The following SPTA1 variants were observed in gnomAD, a reference collection of about 807,000 sequenced individuals.
SPTA1 encodes spectrin alpha, erythrocytic 1, also known as spectrin alpha chain, erythrocytic 1.
SPTA1 carries 177 observed loss-of-function variants against 324.7 expected under a neutral mutation model. The observed-to-expected ratio is 0.55, with a 90% CI of 0.48 to 0.62. The LOEUF (loss-of-function observed/expected upper bound fraction) is 0.62. Ranked by LOEUF, SPTA1 falls within the 20% of genes least tolerant of loss-of-function variation. SPTA1 has a pLI of 0.00. For synonymous variants in SPTA1, 1,195 were observed against 1,041.3 expected, an observed-to-expected ratio of 1.15 and a Z score of -2.84; for missense variants, 3,162 against 2,883.6, an observed-to-expected ratio of 1.10 and a Z score of -2.21.
At chr1:158,657,414 C>T in intron 19 of SPTA1, 63 bp downstream of exon 19, 1 of 1,530,768 alleles carries the variant, frequency 6.5e-7, no homozygotes, top group Non-Finnish European at 9.0e-7. Flanking sequence ...TAAGCAAACC[C>T]TAAATTGATA....
intron 17 of SPTA1, 32 bp downstream of exon 17, chr1:158,662,670 C>CTA (rs1653312104): frequency 6.2e-7 from 1 of 1,613,032 alleles, no homozygotes; most frequent in African/African-American, 1.3e-5. Flanking sequence ...TGGTCCTTTC[C>CTA]TAGTGGCTCA....
rs1650316862 is a variant in SPTA1, at chr1:158,626,964, A to G, written c.5708T>C (p.Ile1903Thr). 6.2e-7 allele frequency: 1 copy of G among 1,613,778 alleles called. No individual in the cohort carries two copies. Among genetic ancestry groups the G allele is most frequent in the Admixed American group, 1.7e-5 (1 of 59,984 alleles). ...ESQNKEISSK[I>T]EALNEKTPSL... is the part of the protein sequence containing the mutation. ...AGGGGTCTTTTCATTCAGAGCCTCT[A>G]TCTTGGAAGAAATCTCTTTGTTCTG... The change falls in exon 41 of 52, where the codon ATA becomes ACA. Residue 1903 changes from isoleucine to threonine, a missense_variant. Ile to Thr is a moderately conservative substitution (Grantham distance 89). Transcript: ENST00000643759.
chr1:158,661,264 A>G (rs1247234519), intron 18 of SPTA1, 23 bp downstream of exon 18: 2 of 1,613,670 alleles, frequency 1.2e-6, no homozygotes, highest in African/African-American at 1.3e-5. Context: ...TGTTTTGTCC[A>G]ACTGAATCTC....
intron 50 of SPTA1, 85 bp from the exon 51 acceptor site, chr1:158,613,046 C>G: frequency 3.4e-6 from 5 of 1,456,724 alleles, no homozygotes; most frequent in Non-Finnish European, 3.8e-6. Flanking sequence ...GTCTCAGAAA[C>G]AGAGGAAAGC....
intron 39 of SPTA1, among the ~76,000 whole-genome samples, chr1:158,633,642 C>G (rs1412745673): frequency 8.7e-6 from 1 of 114,858 alleles, no homozygotes; most frequent in Admixed American, 1.2e-4. Context: ...GGCTGGGAGA[C>G]AGAGTGAGAC....
chr1:158,654,459 C>T (rs1192868152), intron 21 of SPTA1, 152 bp downstream of exon 21: 2 of 1,097,902 alleles, frequency 1.8e-6, no homozygotes, highest in South Asian at 1.7e-5. Flanking sequence ...AAAATATCTA[C>T]AGGAAAAATA....
Position 158,674,582 on chromosome 1 carries a change from C to A in SPTA1, c.1206G>T (p.Val402=), listed in dbSNP as rs1337133357. 1 of 1,614,154 alleles carries A rather than the reference C, an allele frequency of 6.2e-7. No homozygotes were observed. The highest frequency in any genetic ancestry group is 1.1e-5 in the South Asian group (1 of 91,090). The change falls in exon 9 of 52, where the codon GTG becomes GTT. Residue 402 remains valine (V), a synonymous_variant. Coordinates refer to ENST00000643759, the MANE Select transcript of SPTA1 (RefSeq NM_003126.4). The part of the protein sequence containing the change: ...AINADELPTD[V]AGGEVLLDRH... ...TGTCCAGCAGAACTTCTCCACCAGCCACATCTGTTGGCAGCTCATCAGCAT... is the reference window on the plus strand; with the variant it reads ...TGTCCAGCAGAACTTCTCCACCAGCAACATCTGTTGGCAGCTCATCAGCAT...
rs1403429287 is a variant in SPTA1, at chr1:158,674,299, A to G, written c.1350+30T>C. ...ATGTAATGACTACATATATAATTGG[A>G]ATTTGACAAACTCTGTTAAACTAGA... On this transcript the variant is annotated intron_variant, in intron 10 of 51. Coordinates refer to ENST00000643759, the MANE Select transcript of SPTA1 (RefSeq NM_003126.4). 5.6e-6 allele frequency: 9 copies of G among 1,596,222 alleles called. No individual in the cohort carries two copies. In the African/African-American group the frequency reaches 1.2e-4, roughly 21 times the overall value.
chr1:158,660,116 A>T (rs1439284683), intron 18 of SPTA1, among the ~76,000 whole-genome samples: 2 of 152,220 alleles, frequency 1.3e-5, no homozygotes, highest in East Asian at 3.8e-4. Context: ...TCTAAAGGAG[A>T]CATAAAGTGA....
intron 17 of SPTA1, among the ~76,000 whole-genome samples, chr1:158,661,667 A>G (rs1653229430): frequency 6.6e-6 from 1 of 152,226 alleles, no homozygotes; most frequent in Non-Finnish European, 1.5e-5. Context: ...GTTGAAAGAT[A>G]GGTATGAAGG....
At chr1:158,620,122 G>GTTAT in intron 44 of SPTA1, 48 bp downstream of exon 44, 6 of 1,604,842 alleles carry the variant, frequency 3.7e-6, no homozygotes, top group Non-Finnish European at 5.1e-6. Context: ...TAATAAAGTG[G>GTTAT]TTATGTTCAC....
At chr1:158,614,166 C>T in intron 49 of SPTA1, 87 bp downstream of exon 49, 2 of 1,117,476 alleles carry the variant, frequency 1.8e-6, no homozygotes, top group Non-Finnish European at 2.7e-6. Flanking sequence ...TCCACCAAGC[C>T]TCACAGAGTG....
At chr1:158,630,852 T>C (rs1350860886) in intron 39 of SPTA1, among the ~76,000 whole-genome samples, 1 of 151,920 alleles carries the variant, frequency 6.6e-6, no homozygotes, top group Admixed American at 6.6e-5. Context: ...GATTTAAAAA[T>C]GGGCTAAAAA....
intron 24 of SPTA1, among the ~76,000 whole-genome samples, chr1:158,650,300 T>C (rs905273667): frequency 2.0e-5 from 3 of 152,224 alleles, no homozygotes; most frequent in Non-Finnish European, 4.4e-5. Context: ...CAATTCTGTA[T>C]TCTGAATTGA....
At chr1:158,612,356 G>A in intron 51 of SPTA1, 1 of 210,744 alleles carries the variant, frequency 4.7e-6, no homozygotes, top group Non-Finnish European at 9.6e-6. Context: ...AGAGAGAAGA[G>A]AGATTACTTC....
intron 12 of SPTA1, among the ~76,000 whole-genome samples, chr1:158,670,126 C>A (rs1448353483): frequency 2.0e-5 from 3 of 152,194 alleles, no homozygotes; most frequent in Non-Finnish European, 4.4e-5. Context: ...GTCCATCCAT[C>A]TATCTATCCG....
At chr1:158,685,492 G>T in intron 1 of SPTA1, 145 bp from the exon 2 acceptor site, 1 of 1,150,906 alleles carries the variant, frequency 8.7e-7, no homozygotes, top group Non-Finnish European at 1.2e-6. Context: ...AAGAGCTGTA[G>T]TATATTTACG....
intron 39 of SPTA1, among the ~76,000 whole-genome samples, chr1:158,630,339 C>T (rs1157227198): frequency 6.6e-6 from 1 of 151,950 alleles, no homozygotes; most frequent in Non-Finnish European, 1.5e-5. Flanking sequence ...GAAATAAACC[C>T]ATGTATATGT....
intron 5 of SPTA1, 43 bp downstream of exon 5, chr1:158,680,540 T>A (rs751982536): frequency 3.1e-6 from 5 of 1,612,818 alleles, no homozygotes; most frequent in Middle Eastern, 1.6e-4. Flanking sequence ...TTCTTAAGGA[T>A]AAGAACCCTT....
Sources: allele counts gnomAD v4.1 joint callset (sites outside exome capture counted in the v4.1 genomes callset), GRCh38; gene constraint gnomAD v4.1.1; transcripts MANE v1.5; gene names NCBI Gene and HGNC (gene_info 2026-07-23, HGNC 2026-07-21).